ANKFY1: variants seen among roughly 807,000 people sequenced by gnomAD.
ANKFY1 encodes the protein ankyrin repeat and FYVE domain containing 1.
Under a neutral mutation model 128.3 loss-of-function variants are expected in ANKFY1, and 47 were observed. The observed-to-expected ratio is 0.37, with a 90% CI of 0.29 to 0.47. The LOEUF (loss-of-function observed/expected upper bound fraction) is 0.47, where lower values mean the gene tolerates loss of function less well. Ranked by LOEUF, ANKFY1 falls within the 20% of genes least tolerant of loss-of-function variation. The pLI is 1.00. For synonymous variants in ANKFY1, 553 were observed against 601.6 expected (o/e 0.92, Z 1.18); for missense variants, 1,222 against 1,510.6 (o/e 0.81, Z 3.17).
chr17:4,184,731 C>G (rs1238144765), intron 12 of ANKFY1, 87 bp downstream of exon 12: 1 of 1,442,218 alleles, frequency 6.9e-7, no homozygotes, highest in Admixed American at 1.8e-5. Flanking sequence ...TGAAACTCAC[C>G]AACAGAAAAA....
Position 4,177,306 on chromosome 17 carries a change from C to T in ANKFY1, c.2599-4G>A. Reference sequence around the variant, plus strand: ...AATTCCGGCCCTTGTTATCCACCTACAGCAACAAGTGCAAAGCAAAATATT... The same window carrying T: ...AATTCCGGCCCTTGTTATCCACCTATAGCAACAAGTGCAAAGCAAAATATT... On this transcript the variant is annotated splice_polypyrimidine_tract_variant and splice_region_variant and intron_variant, in intron 18 of 24. Coordinates refer to ENST00000341657, the MANE Select transcript of ANKFY1 (RefSeq NM_001330063.2). 1 of 1,583,182 alleles carries T rather than the reference C, an allele frequency of 6.3e-7. No individual in the cohort carries two copies. The highest frequency in any genetic ancestry group is 2.3e-5 in the East Asian group (1 of 43,576).
chr17:4,227,380 C>T (rs578091478), intron 3 of ANKFY1, among the ~76,000 whole-genome samples: 3 of 152,244 alleles, frequency 2.0e-5, no homozygotes, highest in African/African-American at 7.2e-5. Context: ...CAGGTTTTTA[C>T]AGCAGGAATG....
In ANKFY1 at chr17:4,195,004, T is replaced by C. The variant is rs1318989140; in HGVS notation, c.1346A>G (p.His449Arg). Residue 449 changes from histidine to arginine, a missense_variant, in exon 10 of 25, where the codon CAC (histidine) becomes CGC (arginine). By Grantham distance (29) the His-to-Arg change is conservative (BLOSUM62 0). Coordinates refer to ENST00000341657, the MANE Select transcript of ANKFY1 (RefSeq NM_001330063.2). Reference protein sequence around the residue: ...FAARLIQRGSHTDAPDTATGN... With the variant: ...FAARLIQRGSRTDAPDTATGN... ...TGTCGCCGTGTCAGGTGCGTCTGTG[T>C]GGCTGCCGCGCTGGATGAGTCTGGC... 1.2e-6 allele frequency: 2 copies of C among 1,614,226 alleles called. No individual in the cohort carries two copies. The highest frequency in any genetic ancestry group is 1.7e-6 in the Non-Finnish European group (2 of 1,180,042).
chr17:4,254,258 C>A (rs576361467), intron 1 of ANKFY1, among the ~76,000 whole-genome samples: 1 of 137,294 alleles, frequency 7.3e-6, no homozygotes, highest in Non-Finnish European at 1.5e-5. Context: ...GAGCCAAGAT[C>A]GCACCACTGC....
chr17:4,187,097 T>A, intron 11 of ANKFY1: 1 of 992,774 alleles, frequency 1.0e-6, no homozygotes, highest in Non-Finnish European at 1.3e-6. Context: ...AGTGCACCCG[T>A]CACCTGAGCA....
chr17:4,171,025 T>G (rs901159189), intron 22 of ANKFY1, among the ~76,000 whole-genome samples, 164 bp from the exon 23 acceptor site: 1 of 152,204 alleles, frequency 6.6e-6, no homozygotes, highest in Non-Finnish European at 1.5e-5. Flanking sequence ...GAGAGAACTG[T>G]GGACAACCTG....
chr17:4,251,546 A>C (rs916212093), intron 1 of ANKFY1, among the ~76,000 whole-genome samples: 7 of 151,474 alleles, frequency 4.6e-5, no homozygotes, highest in African/African-American at 9.6e-5. Context: ...AAAAAAAAAA[A>C]AAACAAAAAC....
rs148356795 is a variant in ANKFY1, at chr17:4,183,541, C to T, written c.1809G>A (p.Thr603=). ...LGLALWTGMH[T]IAAQLLGSGA... Reference sequence around the variant, plus strand: ...CAGAGCCCAGCAGCTGGGCTGCGATCGTGTGCATGCCTGGGAAACAAGCCC... The same window carrying T: ...CAGAGCCCAGCAGCTGGGCTGCGATTGTGTGCATGCCTGGGAAACAAGCCC... The change falls in exon 14 of 25, where the codon ACG becomes ACA. Residue 603 remains threonine (T), a synonymous_variant. Coordinates refer to ENST00000341657, the MANE Select transcript of ANKFY1 (RefSeq NM_001330063.2). 1,839 of 1,612,190 alleles carry T rather than the reference C, an allele frequency of 1.1e-3. 24 individuals carry two copies. The East Asian group carries it at 0.027, about 24-fold the overall frequency.
chr17:4,197,616 A>T (rs1330133842), intron 7 of ANKFY1, 39 bp from the exon 8 acceptor site: 1 of 1,587,432 alleles, frequency 6.3e-7, no homozygotes, highest in Non-Finnish European at 8.6e-7. Flanking sequence ...GTCAGGGCAA[A>T]GTATTCTGGC....
intron 5 of ANKFY1, among the ~76,000 whole-genome samples, chr17:4,209,051 C>A (rs1362417676): frequency 1.2e-5 from 1 of 84,912 alleles, no homozygotes; most frequent in Non-Finnish European, 2.8e-5. Context: ...AAGAGCGAAA[C>A]TCAGTCTCAA....
rs1157532061 is a variant in ANKFY1 at position 4,241,233 on chromosome 17, A to G, written c.203+1023T>C. ...GGTATGTCATATAGATTGAAGTCAC[A>G]TAGCTAATAAGTCGCCAGCTGAGCT... On this transcript the variant is annotated intron_variant, in intron 2 of 24. Transcript: ENST00000341657. Among the ~76,000 whole-genome samples, 3 of 149,894 alleles carry G rather than the reference A, an allele frequency of 2.0e-5. No individual in the cohort carries two copies. In the East Asian group the frequency reaches 5.9e-4, roughly 30 times the overall value.
Position 4,190,693 on chromosome 17 carries a change from G to GT in ANKFY1, c.1373-1215dup, listed in dbSNP as rs200131003. On this transcript the variant is annotated intron_variant, in intron 10 of 24. Transcript: ENST00000341657. ...AAAAACCTTGGAAAGAAAAAAATGA[G>GT]TTTTTTTTTCTCTCTAAATGGTTTT... Among the ~76,000 whole-genome samples the GT allele has an allele frequency of 5.6e-3, 855 of 151,618 alleles. 5 individuals are homozygous for GT. Among genetic ancestry groups the GT allele is most frequent in the African/African-American group, 0.019 (796 of 41,350 alleles).
Position 4,214,235 on chromosome 17 carries a change from T to C in ANKFY1, c.458+2748A>G, listed in dbSNP as rs146430766. Among the ~76,000 whole-genome samples, 345 of 152,350 alleles carry C rather than the reference T, an allele frequency of 2.3e-3. 1 individual carries two copies. Among genetic ancestry groups the C allele is most frequent in the African/African-American group, 8.0e-3 (333 of 41,578 alleles). On this transcript the variant is annotated intron_variant, in intron 4 of 24. Transcript: ENST00000341657. Reference sequence around the variant, plus strand: ...GACATTGCACCAAGGGACTCAAATATGTTTCACGAAAGCAGATCTTTTATT... The same window carrying C: ...GACATTGCACCAAGGGACTCAAATACGTTTCACGAAAGCAGATCTTTTATT...
chr17:4,173,973 G>A lies in ANKFY1; in HGVS notation c.2859C>T (p.Thr953=), dbSNP rs916407018. The change falls in exon 20 of 25, where the codon ACC becomes ACT. Residue 953 remains threonine (T), a synonymous_variant. Coordinates refer to ENST00000341657, the MANE Select transcript of ANKFY1 (RefSeq NM_001330063.2). ...LHLAAQQDLP[T]ICSVLLENGV... is the part of the protein sequence containing the mutation. ...CATTCTCTAGGAGGACTGAGCAGAT[G>A]GTGGGCAGGTCCTGCTGGGCAGCAA... 18 of 1,614,102 alleles carry A rather than the reference G, an allele frequency of 1.1e-5. No homozygotes were observed. The highest frequency in any genetic ancestry group is 1.4e-5 in the Non-Finnish European group (17 of 1,180,030).
At position 4,166,762 on chromosome 17, in the gene ANKFY1, G is replaced by C. The variant is rs1367802930; in HGVS notation, c.*1017C>G. On this transcript the variant is annotated 3_prime_UTR_variant, in exon 25 of 25. Transcript: ENST00000341657. ...TAGGACCTGCCGGCCTGAGGCTGGAGATGCCCTTGGGGCTGAAGCCTTGGT... is the reference window on the plus strand; with the variant it reads ...TAGGACCTGCCGGCCTGAGGCTGGACATGCCCTTGGGGCTGAAGCCTTGGT... 1.3e-5 allele frequency: 2 copies of C among 152,402 alleles called. No homozygotes were observed. Among genetic ancestry groups the C allele is most frequent in the Non-Finnish European group, 2.9e-5 (2 of 68,068 alleles). The allele number at this position is 152,402 out of a possible 1,614,324, so 9.4% of individuals were successfully genotyped here.
chr17:4,255,378 G>A (rs1442469792), intron 1 of ANKFY1, among the ~76,000 whole-genome samples: 1 of 150,860 alleles, frequency 6.6e-6, no homozygotes, highest in African/African-American at 2.4e-5. Context: ...TCCTGAAGCA[G>A]CTGAGATTAC....
Position 4,209,808 on chromosome 17 carries a change from C to T in ANKFY1, c.582+16G>A. The T allele has an allele frequency of 6.2e-7, 1 of 1,606,392 alleles. No homozygotes were observed. The highest frequency in any genetic ancestry group is 8.5e-7 in the Non-Finnish European group (1 of 1,173,944). On this transcript the variant is annotated intron_variant, in intron 5 of 24. Coordinates refer to ENST00000341657, the MANE Select transcript of ANKFY1 (RefSeq NM_001330063.2). ...GCCAGCTAGAGTGCTTTGTTGACAC[C>T]CTCAACCTCACTCACCCAATGACTT...
chr17:4,175,919 T>C (rs1183008215), intron 19 of ANKFY1, among the ~76,000 whole-genome samples: 1 of 152,124 alleles, frequency 6.6e-6, no homozygotes, highest in African/African-American at 2.4e-5. Flanking sequence ...GGCGATCCTA[T>C]CATCTGTCAT....
intron 7 of ANKFY1, among the ~76,000 whole-genome samples, chr17:4,200,526 G>A (rs987549249): frequency 6.6e-6 from 1 of 152,166 alleles, no homozygotes; most frequent in Non-Finnish European, 1.5e-5. Context: ...TTTCACCAAG[G>A]TCTACAGGAT....
Sources: allele counts gnomAD v4.1 joint callset (sites outside exome capture counted in the v4.1 genomes callset), GRCh38; gene constraint gnomAD v4.1.1; transcripts MANE v1.5; gene names NCBI Gene and HGNC (gene_info 2026-07-23, HGNC 2026-07-21).